The following CHM variants were observed in gnomAD, a reference collection of about 807,000 sequenced individuals.
CHM encodes CHM Rab escort protein.
CHM carries 10 observed loss-of-function variants against 49.0 expected under a neutral mutation model. That is an observed-to-expected ratio of 0.20 (90% CI 0.13 to 0.35). CHM has a LOEUF of 0.35. CHM is among the 10% of genes least tolerant of loss of function. The pLI is 1.00. For missense variants in CHM, 455 were observed against 478.4 expected (o/e 0.95, Z 0.46); for synonymous variants, 184 against 167.5 (o/e 1.10, Z -0.76).
intron 8 of CHM, among the ~76,000 whole-genome samples, chrX:85,933,675 C>T (rs1236233696): frequency 8.9e-6 from 1 of 111,942 alleles, no homozygotes; most frequent in Admixed American, 9.5e-5. Flanking sequence ...GCAGATAGGA[C>T]CACAATTAAA....
chrX:85,953,307 C>T lies in CHM; in HGVS notation c.1166+2846G>A, dbSNP rs186044295. ...AAGAAATGGAAAACTATTCCATGTT[C>T]ATGAACTGGAAGAATCAATATTGTT... On this transcript the variant is annotated intron_variant, in intron 8 of 14. Transcript: ENST00000357749. Among the ~76,000 whole-genome samples the T allele has an allele frequency of 1.4e-4, 16 of 111,469 alleles. No individual in the cohort carries two copies. The East Asian group carries it at 4.0e-3, about 28-fold the overall frequency.
intron 2 of CHM, among the ~76,000 whole-genome samples, chrX:86,005,994 C>T (rs769541510): frequency 2.7e-5 from 3 of 111,698 alleles, no homozygotes; most frequent in Non-Finnish European, 5.6e-5. Flanking sequence ...CCCTGATGAA[C>T]ATCGATGAAA....
At chrX:85,993,993 C>A (rs1569242063) in intron 2 of CHM, among the ~76,000 whole-genome samples, 1 of 111,758 alleles carries the variant, frequency 8.9e-6, no homozygotes, top group Non-Finnish European at 1.9e-5. Context: ...TGAATGCTTC[C>A]TGTGACTAGA....
intron 1 of CHM, among the ~76,000 whole-genome samples, chrX:86,044,087 C>A (rs73630497): frequency 0.013 from 1,476 of 111,612 alleles, 16 homozygotes; most frequent in African/African-American, 0.042. Context: ...GAAAAGCCTA[C>A]ATTGTCTTAA....
At chrX:86,013,877 A>C (rs1011144473) in intron 2 of CHM, among the ~76,000 whole-genome samples, 45 of 112,568 alleles carry the variant, frequency 4.0e-4, no homozygotes, top group African/African-American at 1.4e-3. Context: ...ATCTTAAGGA[A>C]GAAGGGGAGA....
At chrX:85,945,738 A>G (rs5968723) in intron 8 of CHM, among the ~76,000 whole-genome samples, 30,156 of 110,107 alleles carry the variant, frequency 0.27, 3,288 homozygotes, top group African/African-American at 0.39. Flanking sequence ...AAGCAACTTT[A>G]GAACTGCACA....
intron 2 of CHM, among the ~76,000 whole-genome samples, chrX:86,005,356 A>T (rs1932829967): frequency 8.9e-6 from 1 of 111,771 alleles, no homozygotes; most frequent in Non-Finnish European, 1.9e-5. Flanking sequence ...TTAAATAACT[A>T]GAGAAGCAAG....
In CHM at chrX:85,922,202, G is replaced by A. The variant is rs756276442; in HGVS notation, c.1167-10864C>T. On this transcript the variant is annotated intron_variant, in intron 8 of 14. Transcript: ENST00000357749. Reference sequence around the variant, plus strand: ...ATTTATATTACTAAATCATGTAGTAGTAATATAAATGATATAAATATGCAA... The same window carrying A: ...ATTTATATTACTAAATCATGTAGTAATAATATAAATGATATAAATATGCAA... Among the ~76,000 whole-genome samples, 9 of 112,093 alleles carry A rather than the reference G, an allele frequency of 8.0e-5. No individual in the cohort carries two copies. In the South Asian group the frequency reaches 3.4e-3, roughly 42 times the overall value.
chrX:85,879,059 C>T lies in CHM; in HGVS notation c.1515G>A (p.Leu505=), dbSNP rs750216606. The change falls in exon 13 of 15, where the codon TTG becomes TTA. Residue 505 remains leucine, a synonymous_variant. Transcript: ENST00000357749. ...STMTCMKGTY[L]VHLTCTSSKT... ...TAGAAGATGTGCAAGTCAAATGAAC[C>T]AAATCTGTTAAAAAAAAAATATTTG... The T allele has an allele frequency of 1.7e-6, 2 of 1,163,818 alleles. No homozygotes were observed. The highest frequency in any genetic ancestry group is 4.4e-5 in the Admixed American group (2 of 45,168).
At chrX:86,027,419 T>G (rs1933872304) in intron 2 of CHM, 72 bp downstream of exon 2, 1 of 809,883 alleles carries the variant, frequency 1.2e-6, no homozygotes, top group Non-Finnish European at 1.9e-6. Flanking sequence ...CAGACATATA[T>G]GTGTTTATGT....
At chrX:85,901,408 T>C (rs182548996) in intron 9 of CHM, among the ~76,000 whole-genome samples, 28 of 111,319 alleles carry the variant, frequency 2.5e-4, no homozygotes, top group African/African-American at 9.1e-4. Flanking sequence ...AAAATGAACA[T>C]GGAATACAAC....
intron 2 of CHM, among the ~76,000 whole-genome samples, chrX:86,003,330 C>A (rs1347171355): frequency 8.9e-6 from 1 of 112,168 alleles, no homozygotes; most frequent in Non-Finnish European, 1.9e-5. Flanking sequence ...GCTGAAAATT[C>A]TAAAAATAAC....
intron 14 of CHM, among the ~76,000 whole-genome samples, chrX:85,869,073 G>C (rs1603232616): frequency 9.0e-6 from 1 of 111,358 alleles, no homozygotes; most frequent in Non-Finnish European, 1.9e-5. Flanking sequence ...CTACTCTTCT[G>C]TTATACCCCT....
chrX:85,949,753 TTAGG>T (rs1929628231), intron 8 of CHM, among the ~76,000 whole-genome samples: 1 of 107,746 alleles, frequency 9.3e-6, no homozygotes, highest in Admixed American at 1.0e-4. Context: ...AATCACATAT[TTAGG>T]TAATGTAAAT....
At chrX:85,910,521 C>T (rs773974982) in intron 9 of CHM, among the ~76,000 whole-genome samples, 1 of 111,474 alleles carries the variant, frequency 9.0e-6, no homozygotes, top group East Asian at 2.8e-4. Context: ...TTTATCCAGT[C>T]TAATTCAGAC....
chrX:85,913,332 A>AAGAAAG (rs1927198043), intron 8 of CHM, among the ~76,000 whole-genome samples: 2 of 23,419 alleles, frequency 8.5e-5, no homozygotes, highest in Non-Finnish European at 1.6e-4. Context: ...AAAAAAAAAA[A>AAGAAAG]AAAGAAAGAA....
At position 85,947,316 on chromosome X, in the gene CHM, G is replaced by A. The variant is rs368998883; in HGVS notation, c.1166+8837C>T. Among the ~76,000 whole-genome samples the A allele has an allele frequency of 6.3e-5, 7 of 111,925 alleles. No individual in the cohort carries two copies. In the East Asian group the frequency reaches 1.7e-3, roughly 27 times the overall value. ...GTGTGAAGCCTATTTGGAGGTGACT[G>A]TATCATGGAGGTGAATTTCTCATGA... On this transcript the variant is annotated intron_variant, in intron 8 of 14. Transcript: ENST00000357749.
chrX:85,971,255 G>A (rs557896456), intron 4 of CHM: 643 of 753,156 alleles, frequency 8.5e-4, no homozygotes, highest in Non-Finnish European at 9.5e-4. Context: ...GAATGCTATC[G>A]GTGTGTCCGG....
At chrX:85,976,623 CAA>C (rs1164776689) in intron 4 of CHM, among the ~76,000 whole-genome samples, 1 of 85,251 alleles carries the variant, frequency 1.2e-5, no homozygotes. Flanking sequence ...GACTCCGTCT[CAA>C]AAAAAAAAAA....
Sources: allele counts gnomAD v4.1 joint callset (sites outside exome capture counted in the v4.1 genomes callset), GRCh38; gene constraint gnomAD v4.1.1; transcripts MANE v1.5; gene names NCBI Gene and HGNC (gene_info 2026-07-23, HGNC 2026-07-21).